The following RUNX1T1 variants were observed in gnomAD, a reference collection of about 807,000 sequenced individuals.
The protein encoded by RUNX1T1 is protein CBFA2T1.
A neutral mutation model predicts 62.8 loss-of-function variants in RUNX1T1; 4 were observed. That is an observed-to-expected ratio of 0.06 (90% CI 0.03 to 0.15). RUNX1T1 has a LOEUF of 0.15. RUNX1T1 is among the 10% of genes least tolerant of loss of function. RUNX1T1 has a pLI of 1.00. For missense variants in RUNX1T1, 508 were observed against 754.3 expected (o/e 0.67, Z 3.82); for synonymous variants, 291 against 286.0 (o/e 1.02, Z -0.18).
chr8:92,099,794 C>T (rs1272849294), upstream of RUNX1T1: 1 of 205,026 alleles, frequency 4.9e-6, no homozygotes, highest in Non-Finnish European at 8.6e-6. Flanking sequence ...AACTGACAAC[C>T]ACTGACCAGC....
intron 1 of RUNX1T1, among the ~76,000 whole-genome samples, chr8:92,084,018 A>G (rs1489065785): frequency 6.6e-6 from 1 of 152,134 alleles, no homozygotes; most frequent in East Asian, 1.9e-4. Flanking sequence ...CAAACAATGC[A>G]TGTTCTCACT....
chr8:91,986,810 CTTTTA>C lies in RUNX1T1; in HGVS notation c.996+72_996+76del, dbSNP rs1816659823. On this transcript the variant is annotated intron_variant, in intron 7 of 10. Transcript: ENST00000396218. The stretch of plus-strand genomic sequence containing the variant: ...ACAATGCCTTCAAAGGATCACCAAG[CTTTTA>C]TTTTATCACATAACCTCACTCCAGT... 3.1e-6 allele frequency: 3 copies of C among 961,068 alleles called. No individual in the cohort carries two copies. In the East Asian group the frequency reaches 7.2e-5, roughly 23 times the overall value. 59.5% of individuals were successfully genotyped at this position (961,068 alleles called of 1,614,324 possible).
chr8:91,968,872 G>A (rs184120648), intron 10 of RUNX1T1, among the ~76,000 whole-genome samples: 2 of 152,188 alleles, frequency 1.3e-5, no homozygotes, highest in African/African-American at 4.8e-5. Flanking sequence ...CTCTTCTTCA[G>A]ATCATGATAA....
At chr8:92,030,266 T>C (rs1392096285) in intron 1 of RUNX1T1, among the ~76,000 whole-genome samples, 2 of 152,194 alleles carry the variant, frequency 1.3e-5, no homozygotes, top group African/African-American at 2.4e-5. Context: ...ACAACTGTTG[T>C]ATATAATTGT....
intron 10 of RUNX1T1, among the ~76,000 whole-genome samples, chr8:91,963,889 T>G (rs1811055706): frequency 6.6e-6 from 1 of 152,170 alleles, no homozygotes; most frequent in African/African-American, 2.4e-5. Flanking sequence ...ACCATAATAG[T>G]GTAGAAAGCT....
rs560388836 is a variant in RUNX1T1 at position 92,037,426 on chromosome 8, C to T, written c.8-20063G>A. On this transcript the variant is annotated intron_variant, in intron 1 of 10. Coordinates refer to ENST00000396218, the Ensembl canonical transcript of RUNX1T1. Reference sequence around the variant, plus strand: ...GGTGCGGTGACTCATGCCTGTAATCCCAGCACTTTGGGAGGCTGAGGCAGG... The same window carrying T: ...GGTGCGGTGACTCATGCCTGTAATCTCAGCACTTTGGGAGGCTGAGGCAGG... Among the ~76,000 whole-genome samples, 5 of 152,222 alleles carry T rather than the reference C, an allele frequency of 3.3e-5. No individual in the cohort carries two copies. In the South Asian group the frequency reaches 1.0e-3, roughly 32 times the overall value.
chr8:92,005,395 G>A (rs1820562465), intron 4 of RUNX1T1, 98 bp from the exon 6 acceptor site: 1 of 1,046,958 alleles, frequency 9.6e-7, no homozygotes, highest in Admixed American at 2.9e-5. Context: ...AGTATGCAAT[G>A]CAGCTACATC....
intron 8 of RUNX1T1, among the ~76,000 whole-genome samples, chr8:91,985,458 C>A (rs759267679): frequency 6.6e-6 from 1 of 151,870 alleles, no homozygotes; most frequent in African/African-American, 2.4e-5. Context: ...TATTATGAGT[C>A]CTATTATAAA....
intron 1 of RUNX1T1, among the ~76,000 whole-genome samples, chr8:92,043,565 T>C (rs1360265547): frequency 6.6e-6 from 1 of 152,158 alleles, no homozygotes; most frequent in African/African-American, 2.4e-5. Flanking sequence ...ATATCTTTTA[T>C]AGTAACAAAC....
chr8:92,014,910 T>C (rs989951427), intron 2 of RUNX1T1, 90 bp from the exon 4 acceptor site: 3 of 1,279,432 alleles, frequency 2.3e-6, no homozygotes, highest in African/African-American at 1.5e-5. Context: ...CTTTTACATC[T>C]ACTAGTTTTA....
chr8:91,966,163 C>CTATATATA (rs60514195), intron 10 of RUNX1T1, among the ~76,000 whole-genome samples: 1 of 145,034 alleles, frequency 6.9e-6, no homozygotes, highest in Non-Finnish European at 1.5e-5. Flanking sequence ...TATTGTATAA[C>CTATATATA]TATATATATA....
intron 5 of RUNX1T1, among the ~76,000 whole-genome samples, chr8:91,996,889 A>T (rs1201987817): frequency 1.3e-5 from 2 of 151,382 alleles, no homozygotes; most frequent in Non-Finnish European, 2.9e-5. Context: ...TGGGAGGGTG[A>T]GGTAGGTGGA....
At chr8:91,956,569 A>C (rs1054047528), downstream of RUNX1T1, 1 of 218,198 alleles carries the variant, frequency 4.6e-6, no homozygotes, top group Non-Finnish European at 9.2e-6. Flanking sequence ...AAAGATTCAC[A>C]GGTTGACAGA....
upstream of RUNX1T1, among the ~76,000 whole-genome samples, chr8:92,067,731 T>C (rs1833079929): frequency 6.6e-6 from 1 of 152,222 alleles, no homozygotes; most frequent in Non-Finnish European, 1.5e-5. Flanking sequence ...TTTATGTGTA[T>C]GTGTACAAAA....
At chr8:92,032,914 CCT>C (rs1472447104) in intron 1 of RUNX1T1, among the ~76,000 whole-genome samples, 1 of 152,070 alleles carries the variant, frequency 6.6e-6, no homozygotes, top group Non-Finnish European at 1.5e-5. Flanking sequence ...GAAAGTTTAA[CCT>C]CTCTAGTATT....
chr8:91,975,877 G>A (rs753075364), intron 9 of RUNX1T1, 28 bp downstream of exon 10: 4 of 1,525,586 alleles, frequency 2.6e-6, no homozygotes, highest in East Asian at 2.3e-5. Flanking sequence ...GCCAGAACAC[G>A]AAACTCATGT....
intron 1 of RUNX1T1, 126 bp from the exon 3 acceptor site, chr8:92,017,489 T>G (rs534277973): frequency 5.2e-5 from 81 of 1,551,186 alleles, no homozygotes; most frequent in Non-Finnish European, 6.1e-5. Context: ...TAAAATACAC[T>G]TATCTACTGA....
intron 1 of RUNX1T1, among the ~76,000 whole-genome samples, chr8:92,092,594 GTAAGTTAAAAA>G (rs767115254): frequency 9.2e-5 from 14 of 152,220 alleles, no homozygotes; most frequent in Non-Finnish European, 5.9e-5. Context: ...CAGTCCGGCA[GTAAGTTAAAAA>G]TTGTAGTATT....
At chr8:92,000,284 G>C (rs992161355) in intron 5 of RUNX1T1, among the ~76,000 whole-genome samples, 3 of 151,878 alleles carry the variant, frequency 2.0e-5, no homozygotes, top group African/African-American at 7.3e-5. Context: ...TGGGCAACAA[G>C]GGTGAAACTT....
Sources: gnomAD v4.1 joint callset for allele counts (sites outside exome capture counted in the v4.1 genomes callset) on GRCh38, gnomAD v4.1.1 for gene constraint, MANE v1.5 for transcripts, NCBI Gene and HGNC (gene_info 2026-07-23, HGNC 2026-07-21) for gene names.